SMARCC1: variants seen among roughly 807,000 people sequenced by gnomAD.
SMARCC1 encodes the protein SWI/SNF related BAF chromatin remodeling complex subunit C1, also known as SWI/SNF complex subunit SMARCC1.
Under a neutral mutation model 147.4 loss-of-function variants are expected in SMARCC1, and 43 were observed. The observed-to-expected ratio is 0.29, with a 90% CI of 0.23 to 0.38. The LOEUF (loss-of-function observed/expected upper bound fraction) is 0.38, where lower values mean the gene tolerates loss of function less well. Ranked by LOEUF, SMARCC1 falls within the 10% of genes least tolerant of loss-of-function variation. SMARCC1 has a pLI of 1.00. For missense variants in SMARCC1, 1,119 were observed against 1,381.1 expected (o/e 0.81, Z 3.01); for synonymous variants, 495 against 484.4 (o/e 1.02, Z -0.29).
chr3:47,642,147 T>C (rs1479256187), intron 21 of SMARCC1, among the ~76,000 whole-genome samples: 1 of 152,060 alleles, frequency 6.6e-6, no homozygotes, highest in Non-Finnish European at 1.5e-5. Flanking sequence ...AAGAAAGAAG[T>C]AGCAAAATGG....
chr3:47,678,148 A>G lies in SMARCC1; in HGVS notation c.1571+50T>C, dbSNP rs780578570. ...ATCAAGCAAACATTAGACAGCATGC[A>G]TAAGTAAATTCCTACAGTTAAATGT... On this transcript the variant is annotated intron_variant, in intron 16 of 27. Transcript: ENST00000254480. The G allele has an allele frequency of 8.4e-6, 9 of 1,065,392 alleles. No individual in the cohort carries two copies. In the African/African-American group the frequency reaches 9.5e-5, roughly 11 times the overall value. 66.0% of individuals were successfully genotyped at this position (1,065,392 alleles called of 1,614,324 possible).
chr3:47,658,094 G>A (rs2033287297), intron 21 of SMARCC1, among the ~76,000 whole-genome samples: 1 of 152,072 alleles, frequency 6.6e-6, no homozygotes, highest in Non-Finnish European at 1.5e-5. Flanking sequence ...CTGGTTCTTT[G>A]AAGAGACAAA....
chr3:47,611,865 G>A (rs565779407), intron 25 of SMARCC1, among the ~76,000 whole-genome samples: 3 of 152,322 alleles, frequency 2.0e-5, no homozygotes, highest in Admixed American at 2.0e-4. Flanking sequence ...AGCAGGCTAA[G>A]AGGAGAACAA....
intron 19 of SMARCC1, among the ~76,000 whole-genome samples, chr3:47,664,821 T>C (rs2033401674): frequency 6.6e-6 from 1 of 152,032 alleles, no homozygotes; most frequent in Non-Finnish European, 1.5e-5. Flanking sequence ...GTAAAACATA[T>C]ATGAACCCTC....
At position 47,727,982 on chromosome 3, in the gene SMARCC1, A is replaced by G. The variant is rs140795888; in HGVS notation, c.646+1043T>C. On this transcript the variant is annotated intron_variant, in intron 6 of 27. Coordinates refer to ENST00000254480, the MANE Select transcript of SMARCC1 (RefSeq NM_003074.4). ...CAATTATCACATGCCACAGTCTCAA[A>G]CTCCTGACCTCAAGTGATCCTCCCA... Among the ~76,000 whole-genome samples the G allele has an allele frequency of 1.9e-4, 29 of 150,480 alleles. No homozygotes were observed. The East Asian group carries it at 5.7e-3, about 29-fold the overall frequency.
At chr3:47,774,331 A>G (rs978544562) in intron 1 of SMARCC1, among the ~76,000 whole-genome samples, 3 of 151,658 alleles carry the variant, frequency 2.0e-5, no homozygotes, top group Admixed American at 1.3e-4. Flanking sequence ...ACAAAAAATT[A>G]GCTGGGTGTG....
chr3:47,666,729 G>T (rs971125803), intron 19 of SMARCC1, among the ~76,000 whole-genome samples: 3 of 152,106 alleles, frequency 2.0e-5, no homozygotes, highest in Non-Finnish European at 2.9e-5. Context: ...GATTTTTTGG[G>T]GGGATTTTTT....
In SMARCC1 at chr3:47,590,735, G is replaced by A. The variant is rs2032164288; in HGVS notation, c.3146C>T (p.Thr1049Ile). ...ANIHPSGSGP[T>I]PPGMPPMPGN... ...TGGCATTGGTGGCATGCCAGGAGGGGTAGGGCCACTCCCAGAGGGGTGGAT... is the reference window on the plus strand; with the variant it reads ...TGGCATTGGTGGCATGCCAGGAGGGATAGGGCCACTCCCAGAGGGGTGGAT... Residue 1049 changes from threonine (T) to isoleucine (I), a missense_variant, in exon 27 of 28, where the codon ACC becomes ATC. Around this residue, in one of 6 missense-constraint regions of SMARCC1, gnomAD observed 186 missense variants for 216.5 expected, o/e 0.86. Transcript: ENST00000254480. The A allele has an allele frequency of 6.2e-7, 1 of 1,601,126 alleles. No homozygotes were observed. The highest frequency in any genetic ancestry group is 8.5e-7 in the Non-Finnish European group (1 of 1,175,022).
chr3:47,594,013 A>C (rs1408662508), intron 26 of SMARCC1, among the ~76,000 whole-genome samples: 1 of 152,132 alleles, frequency 6.6e-6, no homozygotes, highest in African/African-American at 2.4e-5. Context: ...AAAAATACAA[A>C]AATTAGCTGG....
intron 26 of SMARCC1, among the ~76,000 whole-genome samples, chr3:47,592,549 GA>G (rs763322675): frequency 8.5e-5 from 13 of 152,202 alleles, no homozygotes; most frequent in Non-Finnish European, 1.5e-4. Context: ...CTTTGGATAT[GA>G]TGGTAAACAT....
chr3:47,613,348 T>C (rs1284478607), intron 25 of SMARCC1, among the ~76,000 whole-genome samples: 2 of 151,942 alleles, frequency 1.3e-5, no homozygotes, highest in Non-Finnish European at 2.9e-5. Context: ...ACAGTGATCA[T>C]CCATAGAAAT....
chr3:47,723,355 GTTTTTT>G (rs71070218), intron 6 of SMARCC1, among the ~76,000 whole-genome samples: 1 of 106,676 alleles, frequency 9.4e-6, no homozygotes. Flanking sequence ...TTTTTGTTGG[GTTTTTT>G]TTTTTTTTTT....
At chr3:47,638,152 G>A (rs1205217649) in intron 22 of SMARCC1, among the ~76,000 whole-genome samples, 5 of 152,216 alleles carry the variant, frequency 3.3e-5, no homozygotes, top group East Asian at 3.9e-4. Context: ...GTGCAGTGGC[G>A]CGATCTCGGC....
chr3:47,724,172 G>A (rs908462713), intron 6 of SMARCC1, among the ~76,000 whole-genome samples: 4 of 152,158 alleles, frequency 2.6e-5, no homozygotes, highest in Non-Finnish European at 5.9e-5. Flanking sequence ...AAATAAAGTA[G>A]GATGAAAGTA....
intron 1 of SMARCC1, among the ~76,000 whole-genome samples, chr3:47,776,867 C>T (rs781774512): frequency 2.6e-5 from 4 of 151,846 alleles, no homozygotes; most frequent in Non-Finnish European, 4.4e-5. Context: ...CTCCGCCTCC[C>T]GGGTTCAAGC....
intron 2 of SMARCC1, among the ~76,000 whole-genome samples, chr3:47,757,796 A>AAAG (rs1553691157): frequency 6.6e-6 from 1 of 151,432 alleles, no homozygotes; most frequent in Non-Finnish European, 1.5e-5. Context: ...AAAAAAAAAA[A>AAAG]AAAGAAAGAA....
intron 26 of SMARCC1, chr3:47,604,498 G>T (rs879575569): frequency 2.5e-5 from 9 of 363,624 alleles, no homozygotes; most frequent in Admixed American, 7.5e-5. Context: ...GGAAGGACCT[G>T]CTCATAGTTC....
At chr3:47,687,848 G>C (rs1365651285) in intron 13 of SMARCC1, among the ~76,000 whole-genome samples, 3 of 152,186 alleles carry the variant, frequency 2.0e-5, no homozygotes, top group Non-Finnish European at 2.9e-5. Context: ...CGCCAGCATA[G>C]TAATTCCTAA....
chr3:47,647,833 T>C (rs1373244858), intron 21 of SMARCC1, among the ~76,000 whole-genome samples: 2 of 152,212 alleles, frequency 1.3e-5, no homozygotes, highest in African/African-American at 4.8e-5. Flanking sequence ...CAACCTACCT[T>C]TGTAGGCTAT....
Sources: gnomAD v4.1 joint callset for allele counts (sites outside exome capture counted in the v4.1 genomes callset) on GRCh38, gnomAD v4.1.1 for gene constraint, gnomAD v4.1.1 regional missense constraint, MANE v1.5 for transcripts, NCBI Gene and HGNC (gene_info 2026-07-23, HGNC 2026-07-21) for gene names.